TTLL11: variants seen among roughly 807,000 people sequenced by gnomAD.
TTLL11 encodes tubulin polyglutamylase TTLL11.
A neutral mutation model predicts 51.7 loss-of-function variants in TTLL11; 42 were observed. The observed-to-expected ratio is 0.81, with a 90% CI of 0.64 to 1.05. TTLL11 has a LOEUF of 1.05. Ranked by LOEUF, TTLL11 falls within the 50% of genes least tolerant of loss-of-function variation. The pLI is 0.00. For synonymous variants in TTLL11, 381 were observed against 383.5 expected, an observed-to-expected ratio of 0.99 and a Z score of 0.08; for missense variants, 799 against 940.4, an observed-to-expected ratio of 0.85 and a Z score of 1.97.
In TTLL11 at chr9:122,093,226, T is replaced by C. The variant is rs1375834381; in HGVS notation, c.-78A>G. 6.7e-7 allele frequency: 1 copy of C among 1,492,470 alleles called. No individual in the cohort carries two copies. Among genetic ancestry groups the C allele is most frequent in the Non-Finnish European group, 8.8e-7 (1 of 1,131,228 alleles). The allele number at this position is 1,492,470 out of a possible 1,614,324, so 92.5% of individuals were successfully genotyped here. A position where few individuals can be genotyped will look rare whatever the true frequency, so the allele number is the denominator to read the frequency against. ...CCGCCGCCCCAGTCCGCCACCAAACTGCCGCCGCTGCAGCCGCTGCCACGC... is the reference window on the plus strand; with the variant it reads ...CCGCCGCCCCAGTCCGCCACCAAACCGCCGCCGCTGCAGCCGCTGCCACGC... On this transcript the variant is annotated 5_prime_UTR_variant, in exon 1 of 9. Transcript: ENST00000321582.
At chr9:122,014,665 A>C (rs1438561689) in intron 3 of TTLL11, among the ~76,000 whole-genome samples, 1 of 152,146 alleles carries the variant, frequency 6.6e-6, no homozygotes, top group Non-Finnish European at 1.5e-5. Context: ...ATATTTGTTC[A>C]CACTAAAGGA....
chr9:121,856,821 C>T (rs200314673), intron 8 of TTLL11, among the ~76,000 whole-genome samples: 5 of 151,546 alleles, frequency 3.3e-5, no homozygotes, highest in East Asian at 1.9e-4. Context: ...GCCTCGAACC[C>T]CTTGGATCCA....
chr9:121,904,624 A>G (rs1214399652), intron 6 of TTLL11, among the ~76,000 whole-genome samples: 1 of 152,228 alleles, frequency 6.6e-6, no homozygotes, highest in Non-Finnish European at 1.5e-5. Context: ...CTCACACATA[A>G]GAGAAACCTC....
chr9:121,953,098 T>C (rs1396698237), intron 6 of TTLL11, among the ~76,000 whole-genome samples: 2 of 152,334 alleles, frequency 1.3e-5, no homozygotes, highest in East Asian at 3.9e-4. Flanking sequence ...TACATTATTA[T>C]GCTATATGAA....
chr9:122,010,935 T>C (rs1259492911), intron 3 of TTLL11, among the ~76,000 whole-genome samples: 1 of 152,218 alleles, frequency 6.6e-6, no homozygotes, highest in African/African-American at 2.4e-5. Flanking sequence ...AGCTTGGGCA[T>C]GGCACTTGAA....
chr9:121,956,805 G>A (rs1842033944), intron 6 of TTLL11, among the ~76,000 whole-genome samples: 1 of 152,222 alleles, frequency 6.6e-6, no homozygotes, highest in Non-Finnish European at 1.5e-5. Flanking sequence ...AGCAGTTTGG[G>A]CTTTAACAAA....
intron 1 of TTLL11, among the ~76,000 whole-genome samples, chr9:122,073,302 C>T (rs183629004): frequency 2.0e-5 from 3 of 151,990 alleles, no homozygotes; most frequent in African/African-American, 4.8e-5. Context: ...CCCAGTTACT[C>T]GGGAGGCTGA....
At chr9:121,958,317 C>A (rs1842086111) in intron 6 of TTLL11, among the ~76,000 whole-genome samples, 1 of 152,354 alleles carries the variant, frequency 6.6e-6, no homozygotes, top group East Asian at 1.9e-4. Context: ...TTTCTTTGAG[C>A]TTAAATCCCT....
At chr9:121,838,113 A>G (rs1265071296) in intron 8 of TTLL11, among the ~76,000 whole-genome samples, 1 of 152,110 alleles carries the variant, frequency 6.6e-6, no homozygotes, top group African/African-American at 2.4e-5. Context: ...TGCCACTGGG[A>G]TATCGCATTA....
intron 6 of TTLL11, among the ~76,000 whole-genome samples, chr9:121,881,365 C>T (rs907416692): frequency 6.6e-6 from 1 of 152,200 alleles, no homozygotes; most frequent in Non-Finnish European, 1.5e-5. Context: ...TTCATCTAAA[C>T]CCAGTTCATT....
At position 122,012,076 on chromosome 9, in the gene TTLL11, C is replaced by T. The variant is rs1016627081; in HGVS notation, c.693+19647G>A. 2.1e-4 allele frequency among the ~76,000 whole-genome samples: 32 copies of T among 152,110 alleles called. 1 individual carries two copies. ...CTTTCATTAGAACCCCTCCAAGATA[C>T]AATTACACAGAAAAGAAGTTGAACA... On this transcript the variant is annotated intron_variant, in intron 3 of 8. Coordinates refer to ENST00000321582, the MANE Select transcript of TTLL11 (RefSeq NM_001139442.2).
intron 6 of TTLL11, among the ~76,000 whole-genome samples, chr9:121,948,203 T>A (rs1293377639): frequency 2.6e-5 from 4 of 152,306 alleles, no homozygotes; most frequent in African/African-American, 9.6e-5. Flanking sequence ...CTGAAAGCAT[T>A]TCCTAAGTTA....
intron 1 of TTLL11, among the ~76,000 whole-genome samples, chr9:122,068,059 C>A (rs1413349091): frequency 6.6e-6 from 1 of 152,112 alleles, no homozygotes; most frequent in African/African-American, 2.4e-5. Context: ...TGGTAACACC[C>A]TGTAGGTAGC....
intron 6 of TTLL11, among the ~76,000 whole-genome samples, chr9:121,940,648 C>T (rs546172124): frequency 6.6e-6 from 1 of 151,964 alleles, no homozygotes; most frequent in Non-Finnish European, 1.5e-5. Context: ...GACTTTCTCT[C>T]TCTTGATTTA....
chr9:121,981,560 G>A (rs1303142413), intron 4 of TTLL11, among the ~76,000 whole-genome samples: 1 of 152,062 alleles, frequency 6.6e-6, no homozygotes, highest in Non-Finnish European at 1.5e-5. Flanking sequence ...TTCCCCATTG[G>A]TAAAGGTTAC....
chr9:122,021,065 T>C (rs961749757), intron 3 of TTLL11, among the ~76,000 whole-genome samples: 6 of 152,142 alleles, frequency 3.9e-5, no homozygotes, highest in East Asian at 1.9e-4. Flanking sequence ...AGAAACTAGA[T>C]TGACTCTTGC....
chr9:122,054,697 T>C (rs1375473849), intron 1 of TTLL11, among the ~76,000 whole-genome samples: 3 of 152,204 alleles, frequency 2.0e-5, no homozygotes, highest in Non-Finnish European at 4.4e-5. Context: ...ATGAACTCCA[T>C]TATACCCTGC....
chr9:121,878,143 C>A (rs1838637735), intron 6 of TTLL11, among the ~76,000 whole-genome samples: 1 of 152,148 alleles, frequency 6.6e-6, no homozygotes, highest in Non-Finnish European at 1.5e-5. Flanking sequence ...ATTTTCCCCT[C>A]CCTGGCAATG....
chr9:122,038,166 G>A (rs1244668626), intron 2 of TTLL11, among the ~76,000 whole-genome samples: 1 of 151,834 alleles, frequency 6.6e-6, no homozygotes, highest in Admixed American at 6.6e-5. Flanking sequence ...ATGAGATATG[G>A]GATTCAGGGT....
Sources: allele counts gnomAD v4.1 joint callset (sites outside exome capture counted in the v4.1 genomes callset), GRCh38; gene constraint gnomAD v4.1.1; transcripts MANE v1.5; gene names NCBI Gene and HGNC (gene_info 2026-07-23, HGNC 2026-07-21).